Variants in TBC1D22A observed in about 807,000 individuals in gnomAD.
TBC1D22A encodes the protein TBC1 domain family member 22A.
TBC1D22A carries 38 observed loss-of-function variants against 60.2 expected under a neutral mutation model. The observed-to-expected ratio is 0.63, with a 90% CI of 0.49 to 0.83. TBC1D22A has a LOEUF of 0.83. Ranked by LOEUF, TBC1D22A falls within the 40% of genes least tolerant of loss-of-function variation. The pLI is 0.00. For missense variants in TBC1D22A, 628 were observed against 701.0 expected (o/e 0.90, Z 1.18); for synonymous variants, 302 against 281.7 (o/e 1.07, Z -0.72).
At chr22:47,114,425 G>A (rs911754203) in intron 12 of TBC1D22A, among the ~76,000 whole-genome samples, 7 of 151,974 alleles carry the variant, frequency 4.6e-5, no homozygotes, top group African/African-American at 7.3e-5. Context: ...CATAGGGGTT[G>A]GATGGAGAGA....
intron 11 of TBC1D22A, among the ~76,000 whole-genome samples, chr22:47,094,949 A>G (rs2065113806): frequency 1.3e-5 from 2 of 152,238 alleles, no homozygotes; most frequent in South Asian, 2.1e-4. Flanking sequence ...AGAATCTGGC[A>G]AAAGAGAACA....
intron 11 of TBC1D22A, among the ~76,000 whole-genome samples, chr22:47,045,924 G>A (rs1257716851): frequency 6.6e-6 from 1 of 152,146 alleles, no homozygotes; most frequent in Non-Finnish European, 1.5e-5. Flanking sequence ...CACCCCCACA[G>A]CACCCCCAGC....
chr22:47,092,380 G>T (rs966290811), intron 11 of TBC1D22A, among the ~76,000 whole-genome samples: 1 of 152,184 alleles, frequency 6.6e-6, no homozygotes, highest in Non-Finnish European at 1.5e-5. Flanking sequence ...AAGGGATGGG[G>T]CCTTGGGTTG....
intron 11 of TBC1D22A, among the ~76,000 whole-genome samples, chr22:47,090,044 G>A (rs560166326): frequency 6.6e-6 from 1 of 152,106 alleles, no homozygotes; most frequent in African/African-American, 2.4e-5. Flanking sequence ...TCATTTCCCC[G>A]GGCCCCGCCG....
intron 11 of TBC1D22A, among the ~76,000 whole-genome samples, chr22:47,073,688 G>A (rs931772109): frequency 6.6e-6 from 1 of 152,184 alleles, no homozygotes; most frequent in Non-Finnish European, 1.5e-5. Flanking sequence ...GCAGCAGGGA[G>A]GAAAACAGAT....
intron 12 of TBC1D22A, among the ~76,000 whole-genome samples, chr22:47,163,757 C>G (rs1752424925): frequency 6.6e-6 from 1 of 152,228 alleles, no homozygotes; most frequent in Non-Finnish European, 1.5e-5. Flanking sequence ...AGCCGGGGCT[C>G]ATGGCATCTG....
intron 4 of TBC1D22A, among the ~76,000 whole-genome samples, chr22:46,826,258 T>C (rs1361592287): frequency 6.6e-6 from 1 of 152,216 alleles, no homozygotes; most frequent in Non-Finnish European, 1.5e-5. Context: ...TCGGTACCAA[T>C]GTGGGGTTCC....
chr22:46,894,911 A>G, intron 7 of TBC1D22A, 65 bp downstream of exon 7: 1 of 1,564,952 alleles, frequency 6.4e-7, no homozygotes, highest in Admixed American at 1.7e-5. Flanking sequence ...TGTGCTAACC[A>G]GACAGTGGGC....
At chr22:47,000,097 G>A (rs1443685885) in intron 10 of TBC1D22A, among the ~76,000 whole-genome samples, 1 of 152,158 alleles carries the variant, frequency 6.6e-6, no homozygotes, top group Non-Finnish European at 1.5e-5. Context: ...AGAAAATTTT[G>A]ATAATTCAGT....
At chr22:46,909,772 ACCCGTGC>A (rs1602433965) in intron 7 of TBC1D22A, among the ~76,000 whole-genome samples, 2 of 151,870 alleles carry the variant, frequency 1.3e-5, no homozygotes, top group African/African-American at 4.8e-5. Context: ...GTTGAGCTGG[ACCCGTGC>A]CCCGTGCCTG....
chr22:46,847,277 G>T (rs1240555845), intron 4 of TBC1D22A, among the ~76,000 whole-genome samples: 4 of 152,228 alleles, frequency 2.6e-5, no homozygotes, highest in Non-Finnish European at 5.9e-5. Flanking sequence ...TGGGAGGCAG[G>T]AGGCCTGGCC....
Position 46,797,022 on chromosome 22 carries a change from T to C in TBC1D22A, c.461-422T>C, listed in dbSNP as rs995201389. Among the ~76,000 whole-genome samples, 4 of 152,156 alleles carry C rather than the reference T, an allele frequency of 2.6e-5. No individual in the cohort carries two copies. The East Asian group carries it at 7.7e-4, about 29-fold the overall frequency. On this transcript the variant is annotated intron_variant, in intron 3 of 12. Transcript: ENST00000337137. ...GTCCTCAGCACCTCTGCAGGCTTTC[T>C]CCTTTCCCTCATGGTAACTCACGGG...
intron 4 of TBC1D22A, among the ~76,000 whole-genome samples, chr22:46,839,751 A>G (rs1185217145): frequency 6.6e-6 from 1 of 152,264 alleles, no homozygotes; most frequent in Non-Finnish European, 1.5e-5. Flanking sequence ...ACTGACATAT[A>G]GACCAATGGA....
At chr22:47,012,501 G>A (rs931778913) in intron 10 of TBC1D22A, among the ~76,000 whole-genome samples, 13 of 152,158 alleles carry the variant, frequency 8.5e-5, no homozygotes, top group African/African-American at 2.9e-4. Context: ...GCCCAGAGTG[G>A]TGCTTTGGAA....
chr22:47,154,904 A>G (rs553081887), intron 12 of TBC1D22A, among the ~76,000 whole-genome samples: 1 of 152,276 alleles, frequency 6.6e-6, no homozygotes, highest in Non-Finnish European at 1.5e-5. Context: ...GTAGATAAGC[A>G]CCTGACTGAG....
chr22:46,828,220 G>C (rs893719243), intron 4 of TBC1D22A, among the ~76,000 whole-genome samples: 2 of 152,204 alleles, frequency 1.3e-5, no homozygotes, highest in African/African-American at 4.8e-5. Context: ...CATTTGCTCA[G>C]CATGATTTCT....
intron 4 of TBC1D22A, among the ~76,000 whole-genome samples, chr22:46,798,742 C>CT (rs774209898): frequency 3.9e-5 from 6 of 152,346 alleles, no homozygotes; most frequent in Admixed American, 1.3e-4. Context: ...CTGTGGCACT[C>CT]TAAGAGCCAG....
chr22:47,011,180 G>T (rs2061741831), intron 10 of TBC1D22A, among the ~76,000 whole-genome samples: 1 of 152,174 alleles, frequency 6.6e-6, no homozygotes, highest in African/African-American at 2.4e-5. Context: ...TGGTGCACAG[G>T]AGAGAGCCCT....
intron 10 of TBC1D22A, among the ~76,000 whole-genome samples, chr22:47,015,316 C>T (rs1030632122): frequency 4.6e-5 from 7 of 152,212 alleles, no homozygotes; most frequent in Non-Finnish European, 1.0e-4. Flanking sequence ...GCCTAAGCTG[C>T]CTGGGGAGGG....
Sources: gnomAD v4.1 joint callset for allele counts (sites outside exome capture counted in the v4.1 genomes callset) on GRCh38, gnomAD v4.1.1 for gene constraint, MANE v1.5 for transcripts, NCBI Gene and HGNC (gene_info 2026-07-23, HGNC 2026-07-21) for gene names.